Variants in SPATA13 observed in about 807,000 individuals in gnomAD.
SPATA13 encodes the protein spermatogenesis-associated protein 13.
Under a neutral mutation model 104.0 loss-of-function variants are expected in SPATA13, and 50 were observed. That is an observed-to-expected ratio of 0.48 (90% CI 0.38 to 0.61). SPATA13 has a LOEUF of 0.61. Among genes scored for constraint, SPATA13 ranks in the 20% least tolerant of loss-of-function variants. The pLI, the probability that SPATA13 is intolerant of heterozygous loss-of-function variation, is 0.00. For synonymous variants in SPATA13, 606 were observed against 667.5 expected, an observed-to-expected ratio of 0.91 and a Z score of 1.42; for missense variants, 1,524 against 1,690.6, an observed-to-expected ratio of 0.90 and a Z score of 1.73.
intron 3 of SPATA13, among the ~76,000 whole-genome samples, chr13:24,081,234 T>C (rs1462973505): frequency 6.6e-6 from 1 of 152,154 alleles, no homozygotes; most frequent in Non-Finnish European, 1.5e-5. Flanking sequence ...GACCACCACT[T>C]TTTTGGTTTT....
At chr13:24,232,449 C>T (rs986404204) in intron 2 of SPATA13, among the ~76,000 whole-genome samples, 1 of 152,228 alleles carries the variant, frequency 6.6e-6, no homozygotes, top group African/African-American at 2.4e-5. Flanking sequence ...CTTTATCAGC[C>T]TTCTGGGGAT....
chr13:24,239,708 A>AT (rs1872741585), intron 2 of SPATA13, among the ~76,000 whole-genome samples: 1 of 147,794 alleles, frequency 6.8e-6, no homozygotes, highest in African/African-American at 2.6e-5. Context: ...AAAAAAAAAA[A>AT]AAAAAAAAAA....
At chr13:24,031,219 T>C (rs1374219882) in intron 3 of SPATA13, among the ~76,000 whole-genome samples, 1 of 152,204 alleles carries the variant, frequency 6.6e-6, no homozygotes, top group African/African-American at 2.4e-5. Context: ...GGGACTGGCC[T>C]GTAGGTTAGG....
intron 3 of SPATA13, among the ~76,000 whole-genome samples, chr13:24,137,735 G>A (rs1023786815): frequency 5.3e-5 from 8 of 152,142 alleles, no homozygotes; most frequent in African/African-American, 1.9e-4. Context: ...CTCCAGCCTG[G>A]GAGTGACTTC....
intron 1 of SPATA13, among the ~76,000 whole-genome samples, chr13:24,221,969 C>T (rs534079588): frequency 2.6e-5 from 4 of 152,100 alleles, no homozygotes; most frequent in South Asian, 4.2e-4. Context: ...CACATCACCA[C>T]GCCTGGCTAA....
At chr13:24,042,867 C>T (rs563692640) in intron 3 of SPATA13, among the ~76,000 whole-genome samples, 15 of 152,264 alleles carry the variant, frequency 9.9e-5, no homozygotes, top group African/African-American at 3.4e-4. Context: ...CCAGGGGAAA[C>T]GTGCGTTTAA....
chr13:24,027,437 TTTC>T (rs756683162), intron 3 of SPATA13, among the ~76,000 whole-genome samples: 125 of 152,230 alleles, frequency 8.2e-4, no homozygotes, highest in Non-Finnish European at 1.5e-3. Context: ...CTGGCTGCCT[TTTC>T]TTTTTTTTTC....
chr13:24,249,223 A>G (rs1368875650), intron 2 of SPATA13, among the ~76,000 whole-genome samples: 1 of 152,186 alleles, frequency 6.6e-6, no homozygotes, highest in Non-Finnish European at 1.5e-5. Flanking sequence ...TCACCAAACC[A>G]CTATTTCAAT....
At position 24,305,006 on chromosome 13, in the gene SPATA13, G is replaced by A. The variant is rs1451013590; in HGVS notation, c.*2233G>A. The A allele has an allele frequency of 6.6e-6, 1 of 152,250 alleles. No individual in the cohort carries two copies. Among genetic ancestry groups the A allele is most frequent in the African/African-American group, 2.4e-5 (1 of 41,472 alleles). The allele number at this position is 152,250 out of a possible 1,614,324, so 9.4% of individuals were successfully genotyped here. A position where few individuals can be genotyped will look rare whatever the true frequency, so the allele number is the denominator to read the frequency against. ...AATAACTGTAGGGGTCTCTGCTAGAGTTGTTTGTATGTACAGCAATTTTGA... is the reference window on the plus strand; with the variant it reads ...AATAACTGTAGGGGTCTCTGCTAGAATTGTTTGTATGTACAGCAATTTTGA... On this transcript the variant is annotated 3_prime_UTR_variant, in exon 13 of 13. Coordinates refer to ENST00000382108, the MANE Select transcript of SPATA13 (RefSeq NM_001166271.3).
chr13:24,277,110 G>A (rs764673151), intron 4 of SPATA13, among the ~76,000 whole-genome samples: 1 of 152,152 alleles, frequency 6.6e-6, no homozygotes, highest in Non-Finnish European at 1.5e-5. Context: ...TAGACAACTC[G>A]CATGTCATTT....
At chr13:24,079,449 C>T (rs968284097) in intron 3 of SPATA13, among the ~76,000 whole-genome samples, 1 of 152,120 alleles carries the variant, frequency 6.6e-6, no homozygotes, top group Non-Finnish European at 1.5e-5. Context: ...AGAGGACTCC[C>T]GGTCTGGGCT....
intron 3 of SPATA13, among the ~76,000 whole-genome samples, chr13:24,142,279 C>CTTA (rs1881787869): frequency 6.6e-6 from 1 of 152,056 alleles, no homozygotes; most frequent in African/African-American, 2.4e-5. Context: ...GTCTACAGGC[C>CTTA]TTATTCAGAA....
At chr13:24,202,070 CTAAATAAATAAA>C (rs67125164) in intron 1 of SPATA13, among the ~76,000 whole-genome samples, 38,432 of 150,468 alleles carry the variant, frequency 0.26, 5,968 homozygotes, top group Non-Finnish European at 0.35. Context: ...AAGACTCTGT[CTAAATAAATAAA>C]TAAATAAATA....
At chr13:24,287,036 G>A (rs1404433609) in intron 7 of SPATA13, 86 bp downstream of exon 7, 37 of 1,039,266 alleles carry the variant, frequency 3.6e-5, no homozygotes, top group African/African-American at 1.6e-4. Context: ...TCCACCCCCC[G>A]CCCCCCCATC....
At chr13:24,191,795 C>T (rs1320619010) in intron 1 of SPATA13, among the ~76,000 whole-genome samples, 2 of 152,102 alleles carry the variant, frequency 1.3e-5, no homozygotes, top group Non-Finnish European at 2.9e-5. Flanking sequence ...CAGGCGTGAG[C>T]CACTGCGACC....
At chr13:23,987,349 G>A (rs578156618) in intron 2 of SPATA13, among the ~76,000 whole-genome samples, 16 of 152,148 alleles carry the variant, frequency 1.1e-4, no homozygotes, top group Admixed American at 1.0e-3. Context: ...CATTTTCAGT[G>A]GATAAAAGAT....
chr13:24,154,349 GA>G (rs1882194911), intron 3 of SPATA13, among the ~76,000 whole-genome samples: 2 of 152,130 alleles, frequency 1.3e-5, no homozygotes, highest in East Asian at 3.9e-4. Flanking sequence ...ACACAGCAAT[GA>G]AAAAAATGAA....
At chr13:24,023,699 C>A (rs1271877002) in intron 3 of SPATA13, among the ~76,000 whole-genome samples, 1 of 152,074 alleles carries the variant, frequency 6.6e-6, no homozygotes, top group South Asian at 2.1e-4. Context: ...GTGTGAGAAC[C>A]CGATCTGACA....
At chr13:24,000,112 G>A (rs572217722) in intron 2 of SPATA13, among the ~76,000 whole-genome samples, 1 of 152,336 alleles carries the variant, frequency 6.6e-6, no homozygotes, top group Admixed American at 6.5e-5. Context: ...GAAACCTAGT[G>A]GGAGGGTTAG....
Sources: gnomAD v4.1 joint callset for allele counts (sites outside exome capture counted in the v4.1 genomes callset) on GRCh38, gnomAD v4.1.1 for gene constraint, MANE v1.5 for transcripts, NCBI Gene and HGNC (gene_info 2026-07-23, HGNC 2026-07-21) for gene names.